The following SLC25A48 variants were observed in gnomAD, a reference collection of about 807,000 sequenced individuals.
SLC25A48 encodes the protein solute carrier family 25 member 48.
In SLC25A48, 29 loss-of-function variants were observed where a neutral mutation model predicts 32.2. The ratio of observed to expected loss-of-function variants is 0.90; its 90% CI spans 0.67 to 1.23. SLC25A48 has a LOEUF of 1.23. Among genes scored for constraint, SLC25A48 ranks in the 50% most tolerant of loss-of-function variants. The probability of loss-of-function intolerance (pLI) is 0.00; values close to 1 mark genes in which losing one functional copy is unlikely to be tolerated. For synonymous variants in SLC25A48, 164 were observed against 172.3 expected (o/e 0.95, Z 0.38); for missense variants, 399 against 422.7 (o/e 0.94, Z 0.49).
intron 3 of SLC25A48, among the ~76,000 whole-genome samples, chr5:135,684,867 A>G (rs1753980838): frequency 6.6e-6 from 1 of 151,992 alleles, no homozygotes; most frequent in Non-Finnish European, 1.5e-5. Context: ...GTTTATTACC[A>G]CTCTTTTGCA....
intron 3 of SLC25A48, among the ~76,000 whole-genome samples, chr5:135,778,592 A>G (rs974019919): frequency 2.7e-5 from 4 of 149,976 alleles, no homozygotes; most frequent in African/African-American, 9.8e-5. Flanking sequence ...ATAACTCCCA[A>G]TATTTCAGGC....
chr5:135,887,771 AGCCACCTGTGCTCTTGCAGGCAGCAGT>A (rs1762788392), intron 7 of SLC25A48, among the ~76,000 whole-genome samples: 1 of 150,774 alleles, frequency 6.6e-6, no homozygotes, highest in East Asian at 1.9e-4. Flanking sequence ...GCAGGCCATC[AGCCACCTGTGCTCTTGCAGGCAGCAGT>A]GCCCCCTGTG....
intron 4 of SLC25A48, among the ~76,000 whole-genome samples, chr5:135,828,793 T>C (rs1343411047): frequency 3.3e-5 from 5 of 152,124 alleles, no homozygotes; most frequent in Non-Finnish European, 7.4e-5. Context: ...GCATTCAGGG[T>C]CCTCAGGAGC....
intron 7 of SLC25A48, 114 bp from the exon 8 acceptor site, chr5:135,887,918 A>G (rs1157632718): frequency 6.1e-6 from 6 of 984,122 alleles, no homozygotes; most frequent in Non-Finnish European, 9.2e-6. Flanking sequence ...TGTTTTTGTA[A>G]ACTGTAAAGT....
chr5:135,758,085 G>A (rs1020557149), intron 3 of SLC25A48, among the ~76,000 whole-genome samples: 11 of 149,322 alleles, frequency 7.4e-5, no homozygotes, highest in African/African-American at 2.7e-4. Flanking sequence ...GTTAACACAC[G>A]ATGATATTAA....
At chr5:135,753,505 T>C (rs62365679) in intron 3 of SLC25A48, among the ~76,000 whole-genome samples, 61,502 of 151,790 alleles carry the variant, frequency 0.41, 14,336 homozygotes, top group Non-Finnish European at 0.52. Context: ...TTAGCAGTAA[T>C]ATCTAGAGGA....
At chr5:135,656,496 C>G (rs1018153994) in intron 3 of SLC25A48, among the ~76,000 whole-genome samples, 5 of 152,120 alleles carry the variant, frequency 3.3e-5, no homozygotes, top group Admixed American at 2.0e-4. Context: ...ATTATGGAAC[C>G]CCTGAGACAC....
At chr5:135,771,440 G>A (rs1278101938) in intron 3 of SLC25A48, among the ~76,000 whole-genome samples, 2 of 151,604 alleles carry the variant, frequency 1.3e-5, no homozygotes, top group Admixed American at 6.6e-5. Context: ...ATTCAGAAGG[G>A]GCAGGGTGAT....
intron 1 of SLC25A48, among the ~76,000 whole-genome samples, chr5:135,626,046 G>C (rs1752434125): frequency 6.6e-6 from 1 of 152,232 alleles, no homozygotes; most frequent in African/African-American, 2.4e-5. Flanking sequence ...CTAAAACCCA[G>C]GCTGAACCTG....
chr5:135,796,105 G>GC (rs1262635134), intron 3 of SLC25A48, among the ~76,000 whole-genome samples: 2 of 150,642 alleles, frequency 1.3e-5, no homozygotes, highest in Non-Finnish European at 3.0e-5. Context: ...GGGGTGTACA[G>GC]CCCCCCTGAT....
At chr5:135,817,325 G>C (rs1440595034) in intron 4 of SLC25A48, among the ~76,000 whole-genome samples, 2 of 152,184 alleles carry the variant, frequency 1.3e-5, no homozygotes, top group South Asian at 2.1e-4. Context: ...GAGAAACTGT[G>C]ATCCACAATA....
At chr5:135,792,594 C>G (rs1580885816) in intron 3 of SLC25A48, among the ~76,000 whole-genome samples, 1 of 151,758 alleles carries the variant, frequency 6.6e-6, no homozygotes, top group Non-Finnish European at 1.5e-5. Flanking sequence ...CCTAATGTCA[C>G]TGTGCATTTA....
chr5:135,828,617 AG>A, intron 4 of SLC25A48, among the ~76,000 whole-genome samples: 1 of 152,346 alleles, frequency 6.6e-6, no homozygotes, highest in East Asian at 1.9e-4. Context: ...GGTTGCAAGG[AG>A]CCTGAGCCAG....
At chr5:135,801,176 T>C (rs1184177574) in intron 3 of SLC25A48, among the ~76,000 whole-genome samples, 2 of 150,870 alleles carry the variant, frequency 1.3e-5, no homozygotes, top group African/African-American at 4.9e-5. Flanking sequence ...CTCTGTGATA[T>C]TGTTTGTAAT....
chr5:135,677,847 C>G (rs918131439), intron 3 of SLC25A48, among the ~76,000 whole-genome samples: 2 of 152,160 alleles, frequency 1.3e-5, no homozygotes, highest in Admixed American at 1.3e-4. Flanking sequence ...TGATCCCATT[C>G]TTTCCTCACC....
chr5:135,861,313 GCACACA>G (rs10561751), intron 4 of SLC25A48, among the ~76,000 whole-genome samples: 4,062 of 145,762 alleles, frequency 0.028, 175 homozygotes, highest in African/African-American at 0.094. Context: ...AAATACACAC[GCACACA>G]CACACACACA....
chr5:135,605,123 T>C (rs1464353745), intron 1 of SLC25A48, among the ~76,000 whole-genome samples: 1 of 152,268 alleles, frequency 6.6e-6, no homozygotes, highest in Non-Finnish European at 1.5e-5. Context: ...TGTATGCACT[T>C]ATATAATTTG....
At chr5:135,709,482 C>A (rs1466670728) in intron 3 of SLC25A48, among the ~76,000 whole-genome samples, 2 of 152,232 alleles carry the variant, frequency 1.3e-5, no homozygotes, top group Non-Finnish European at 2.9e-5. Flanking sequence ...AATTCTTACA[C>A]CCCACCCCAA....
At chr5:135,812,532 C>T (rs1270936487) in exon 4 of SLC25A48, 3 of 152,178 alleles carry the variant, frequency 2.0e-5, no homozygotes, top group African/African-American at 7.2e-5. Flanking sequence ...GCTATCATCC[C>T]TCCTGTTATA....
Sources: allele counts gnomAD v4.1 joint callset (sites outside exome capture counted in the v4.1 genomes callset), GRCh38; gene constraint gnomAD v4.1.1; transcripts MANE v1.5; gene names NCBI Gene and HGNC (gene_info 2026-07-23, HGNC 2026-07-21).